Variants in JAM3 observed in about 807,000 individuals in gnomAD.
JAM3 encodes the protein junctional adhesion molecule C.
In JAM3, 31 loss-of-function variants were observed where a neutral mutation model predicts 39.4. That is an observed-to-expected ratio of 0.79 (90% confidence interval 0.59 to 1.06). The LOEUF (loss-of-function observed/expected upper bound fraction) is 1.06. JAM3 is among the 50% of genes least tolerant of loss of function. JAM3 has a pLI of 0.00. For synonymous variants in JAM3, 182 were observed against 148.7 expected (o/e 1.22, Z -1.63); for missense variants, 455 against 391.4 (o/e 1.16, Z -1.37).
intron 1 of JAM3, chr11:134,139,595 G>A (rs1407059044): frequency 4.0e-6 from 2 of 500,678 alleles, no homozygotes; most frequent in South Asian, 2.1e-5. Flanking sequence ...AAGCTCTGAG[G>A]GCTTTGTTCT....
intron 1 of JAM3, among the ~76,000 whole-genome samples, chr11:134,088,178 G>A (rs1456508999): frequency 6.6e-6 from 1 of 152,136 alleles, no homozygotes; most frequent in Non-Finnish European, 1.5e-5. Context: ...CATTTATCCA[G>A]CTTTCCCCTT....
chr11:134,125,118 C>T (rs1471749743), intron 1 of JAM3, among the ~76,000 whole-genome samples: 1 of 152,220 alleles, frequency 6.6e-6, no homozygotes, highest in Non-Finnish European at 1.5e-5. Context: ...ACGGCCGCCG[C>T]CACTGCTGCT....
At chr11:134,086,752 T>G (rs1021738942) in intron 1 of JAM3, among the ~76,000 whole-genome samples, 8 of 152,168 alleles carry the variant, frequency 5.3e-5, no homozygotes, top group Admixed American at 6.5e-5. Flanking sequence ...CATAGGCTGT[T>G]TCCACCTAAG....
chr11:134,071,456 G>A (rs549781759), intron 1 of JAM3, among the ~76,000 whole-genome samples: 4 of 152,306 alleles, frequency 2.6e-5, no homozygotes, highest in African/African-American at 9.6e-5. Flanking sequence ...AACACTATGT[G>A]GTTTGTATAT....
At chr11:134,120,455 C>T (rs977750049) in intron 1 of JAM3, among the ~76,000 whole-genome samples, 4 of 152,204 alleles carry the variant, frequency 2.6e-5, no homozygotes, top group African/African-American at 7.2e-5. Flanking sequence ...ACTTCTTTTC[C>T]TTCTTGGCTT....
At chr11:134,113,347 C>G (rs1184714811) in intron 1 of JAM3, among the ~76,000 whole-genome samples, 1 of 152,242 alleles carries the variant, frequency 6.6e-6, no homozygotes, top group Non-Finnish European at 1.5e-5. Context: ...CCCCGCTTCC[C>G]CTACCCCACG....
intron 1 of JAM3, among the ~76,000 whole-genome samples, chr11:134,072,611 G>T (rs1941499765): frequency 6.6e-6 from 1 of 152,178 alleles, no homozygotes; most frequent in African/African-American, 2.4e-5. Context: ...CGCCCAGCTG[G>T]ATTCTCTTTT....
chr11:134,106,907 T>G lies in JAM3; in HGVS notation c.77-32944T>G, dbSNP rs1444523752. The stretch of plus-strand genomic sequence containing the variant: ...TGGGACTGTAAACTAGTTCAACCGT[T>G]GTGGAAGACAGTGTGGCGATTCCTC... On this transcript the variant is annotated intron_variant, in intron 1 of 8. Coordinates refer to ENST00000299106, the MANE Select transcript of JAM3 (RefSeq NM_032801.5). Among the ~76,000 whole-genome samples, 3 of 152,158 alleles carry G rather than the reference T, an allele frequency of 2.0e-5. No individual in the cohort carries two copies. In the East Asian group the frequency reaches 5.8e-4, roughly 29 times the overall value.
At chr11:134,129,768 G>A (rs201354129) in intron 1 of JAM3, among the ~76,000 whole-genome samples, 3 of 152,318 alleles carry the variant, frequency 2.0e-5, no homozygotes, top group East Asian at 1.9e-4. Flanking sequence ...TTGGGAGGCC[G>A]AGGTGGGCAG....
chr11:134,096,106 A>T (rs1352649382), intron 1 of JAM3, among the ~76,000 whole-genome samples: 2 of 151,940 alleles, frequency 1.3e-5, no homozygotes, highest in Non-Finnish European at 2.9e-5. Flanking sequence ...CCTCCCAAGT[A>T]GCTGGGATGA....
In JAM3 at chr11:134,113,436, C is replaced by T. The variant is rs368399357; in HGVS notation, c.77-26415C>T. Among the ~76,000 whole-genome samples, 88 of 152,172 alleles carry T rather than the reference C, an allele frequency of 5.8e-4. 1 individual carries two copies. The Middle Eastern group carries it at 0.017, about 30-fold the overall frequency. On this transcript the variant is annotated intron_variant, in intron 1 of 8. Coordinates refer to ENST00000299106, the MANE Select transcript of JAM3 (RefSeq NM_032801.5). ...CAATTCCCACCTCTGAGTGAGAACA[C>T]GCGGTGTTTGGTTTTTTGTCCTTGT...
chr11:134,102,371 C>T (rs906570847), intron 1 of JAM3, among the ~76,000 whole-genome samples: 4 of 152,124 alleles, frequency 2.6e-5, no homozygotes, highest in Admixed American at 6.5e-5. Flanking sequence ...TGTATGTCAC[C>T]ATCATCGAGG....
At chr11:134,104,496 ATAAC>A (rs1346971291) in intron 1 of JAM3, among the ~76,000 whole-genome samples, 4 of 152,230 alleles carry the variant, frequency 2.6e-5, no homozygotes, top group African/African-American at 9.6e-5. Flanking sequence ...AAGGCAAGAA[ATAAC>A]TAAGATCAGA....
At chr11:134,070,256 C>T (rs2120550070) in intron 1 of JAM3, 1 of 455,834 alleles carries the variant, frequency 2.2e-6, no homozygotes, top group South Asian at 1.6e-5. Flanking sequence ...ACACCACACT[C>T]TTCCCCTGGC....
At chr11:134,139,112 C>T (rs1942926574) in intron 1 of JAM3, among the ~76,000 whole-genome samples, 1 of 152,150 alleles carries the variant, frequency 6.6e-6, no homozygotes, top group Admixed American at 6.5e-5. Flanking sequence ...GATCTTCTCT[C>T]CAAGATTAGT....
chr11:134,120,110 AG>A (rs1455879351), intron 1 of JAM3, among the ~76,000 whole-genome samples: 1 of 152,000 alleles, frequency 6.6e-6, no homozygotes, highest in Non-Finnish European at 1.5e-5. Flanking sequence ...ATTGCTGCAA[AG>A]ATGCTATTTT....
chr11:134,081,653 C>T (rs1251776376), intron 1 of JAM3, among the ~76,000 whole-genome samples: 2 of 152,186 alleles, frequency 1.3e-5, no homozygotes, highest in South Asian at 2.1e-4. Flanking sequence ...AAGTTTGCTG[C>T]AGGGGTGGGG....
At chr11:134,142,609 T>A (rs1052948692) in intron 3 of JAM3, among the ~76,000 whole-genome samples, 10 of 152,236 alleles carry the variant, frequency 6.6e-5, no homozygotes, top group Non-Finnish European at 1.5e-4. Flanking sequence ...TTATGTCTTA[T>A]GTTTAAAATG....
At position 134,141,475 on chromosome 11, in the gene JAM3, G is replaced by A. The variant is rs117694275; in HGVS notation, c.256+705G>A. ...GAGGAGAGGGGGGAGAGGGGCTGGAGAGGTTGCCTGGCCAGGCAGACTGCA... is the reference window on the plus strand; with the variant it reads ...GAGGAGAGGGGGGAGAGGGGCTGGAAAGGTTGCCTGGCCAGGCAGACTGCA... On this transcript the variant is annotated intron_variant, in intron 3 of 8. Transcript: ENST00000299106. Among the ~76,000 whole-genome samples the A allele has an allele frequency of 8.8e-3, 1,336 of 152,212 alleles. 12 individuals carry two copies. Among genetic ancestry groups the A allele is most frequent in the Middle Eastern group, 0.017 (5 of 294 alleles).
Sources: allele counts gnomAD v4.1 joint callset (sites outside exome capture counted in the v4.1 genomes callset), GRCh38; gene constraint gnomAD v4.1.1; transcripts MANE v1.5; gene names NCBI Gene and HGNC (gene_info 2026-07-23, HGNC 2026-07-21).